The following NKD1 variants were observed in gnomAD, a reference collection of about 807,000 sequenced individuals.
The protein encoded by NKD1 is NKD inhibitor of Wnt signaling pathway 1.
NKD1 carries 21 observed loss-of-function variants against 56.0 expected under a neutral mutation model. That is an observed-to-expected ratio of 0.38 (90% CI 0.27 to 0.54). The LOEUF is 0.54. Ranked by LOEUF, NKD1 falls within the 20% of genes least tolerant of loss-of-function variation. NKD1 has a pLI of 0.82. For missense variants in NKD1, 578 were observed against 642.7 expected (o/e 0.90, Z 1.09); for synonymous variants, 263 against 265.7 (o/e 0.99, Z 0.10).
chr16:50,549,332 G>T, intron 2 of NKD1, 90 bp from the exon 3 acceptor site: 3 of 1,496,904 alleles, frequency 2.0e-6, no homozygotes, highest in South Asian at 1.3e-5. Context: ...GTGGTCCTTC[G>T]CCTCCCACCG....
chr16:50,562,250 C>G, intron 3 of NKD1: 1 of 966,514 alleles, frequency 1.0e-6, no homozygotes, highest in Non-Finnish European at 1.2e-6. Flanking sequence ...GCAAAACATT[C>G]ATAGGCCATG....
intron 3 of NKD1, 96 bp downstream of exon 3, chr16:50,549,651 C>T (rs1384814196): frequency 2.5e-6 from 3 of 1,208,498 alleles, no homozygotes; most frequent in South Asian, 1.6e-5. Flanking sequence ...CACTTTCCTG[C>T]ACAGCTTCTG....
chr16:50,596,691 C>T (rs1038980793), intron 3 of NKD1, among the ~76,000 whole-genome samples: 2 of 152,250 alleles, frequency 1.3e-5, no homozygotes, highest in Non-Finnish European at 2.9e-5. Context: ...GGTCGAGTGC[C>T]TCCGCCGTCA....
In NKD1 at chr16:50,598,553, A is replaced by G. The variant is rs977832868; in HGVS notation, c.193-9741A>G. Among the ~76,000 whole-genome samples the G allele has an allele frequency of 5.3e-5, 8 of 152,160 alleles. 1 individual carries two copies. The highest frequency in any genetic ancestry group is 1.3e-4 in the Admixed American group (2 of 15,282). ...CTGCCTGTCATAAGCAGCCTGGCTC[A>G]GGGCCACCCTGTCGGCAGGTCACAC... On this transcript the variant is annotated intron_variant, in intron 3 of 9. Transcript: ENST00000268459. This position sits in a 1 kb window ranked among gnomAD's most constrained non-coding sequence, Gnocchi z 4.2.
At chr16:50,580,097 C>G (rs991856591) in intron 3 of NKD1, among the ~76,000 whole-genome samples, 1 of 152,158 alleles carries the variant, frequency 6.6e-6, no homozygotes, top group African/African-American at 2.4e-5. Flanking sequence ...ACCCACTAAG[C>G]ATGCACCCCA....
chr16:50,629,015 G>A (rs190784300), intron 6 of NKD1, among the ~76,000 whole-genome samples: 6 of 151,626 alleles, frequency 4.0e-5, no homozygotes, highest in African/African-American at 1.5e-4. Flanking sequence ...GCCCAGGCTG[G>A]AGTGCAGTGG....
At chr16:50,588,598 C>CTTTTTTTTTTTTTTTTTTTTTTTTTTT (rs574622414) in intron 3 of NKD1, among the ~76,000 whole-genome samples, 1 of 94,652 alleles carries the variant, frequency 1.1e-5, no homozygotes, top group Admixed American at 1.2e-4. Flanking sequence ...TTTTCTTCTG[C>CTTTTTTTTTTTTTTTTTTTTTTTTTTT]TTTTTTTTTT....
chr16:50,623,969 T>C lies in NKD1; in HGVS notation c.367-1516T>C, dbSNP rs1962152967. ...TCAAACGGGTGTGGCTGAAGCAAGGTTGGCTTTGAACTCAGCGTGGGCGCC... is the reference window on the plus strand; with the variant it reads ...TCAAACGGGTGTGGCTGAAGCAAGGCTGGCTTTGAACTCAGCGTGGGCGCC... On this transcript the variant is annotated intron_variant, in intron 5 of 9. Coordinates refer to ENST00000268459, the MANE Select transcript of NKD1 (RefSeq NM_033119.5). This position sits in a 1 kb window ranked among gnomAD's most constrained non-coding sequence, Gnocchi z 4.1. 6.6e-6 allele frequency among the ~76,000 whole-genome samples: 1 copy of C among 151,966 alleles called. No homozygotes were observed. The highest frequency in any genetic ancestry group is 2.4e-5 in the African/African-American group (1 of 41,362).
intron 3 of NKD1, among the ~76,000 whole-genome samples, chr16:50,583,330 A>T (rs1440727030): frequency 6.6e-6 from 1 of 152,162 alleles, no homozygotes; most frequent in African/African-American, 2.4e-5. Flanking sequence ...TCACGTGGAG[A>T]GTGAGGCTCT....
chr16:50,605,798 A>G (rs16948647), intron 3 of NKD1, among the ~76,000 whole-genome samples: 2,925 of 152,330 alleles, frequency 0.019, 34 homozygotes, highest in East Asian at 0.046. Context: ...GAATGACTAT[A>G]AAGTGCCTAG....
intron 4 of NKD1, among the ~76,000 whole-genome samples, chr16:50,621,290 C>G (rs966642278): frequency 6.6e-6 from 1 of 152,192 alleles, no homozygotes; most frequent in African/African-American, 2.4e-5. Flanking sequence ...CCACTCTCAT[C>G]CATCTGCCCT....
rs531166056 is a variant in NKD1, at chr16:50,572,134, T to C, written c.192+22579T>C. On this transcript the variant is annotated intron_variant, in intron 3 of 9. Transcript: ENST00000268459. ...GAGCAGCTTTCACTGTGGTTCCTTC[T>C]CCTAACATCCTGTTCCTTCTGCCTC... Among the ~76,000 whole-genome samples the C allele has an allele frequency of 3.3e-5, 5 of 152,312 alleles. No homozygotes were observed. The East Asian group carries it at 9.7e-4, about 29-fold the overall frequency.
intron 5 of NKD1, among the ~76,000 whole-genome samples, chr16:50,622,772 C>T (rs1962121664): frequency 6.6e-6 from 1 of 152,014 alleles, no homozygotes; most frequent in African/African-American, 2.4e-5. Flanking sequence ...GGCTAATTGC[C>T]AGGGTACCCA....
At chr16:50,589,979 C>G (rs1248726442) in intron 3 of NKD1, among the ~76,000 whole-genome samples, 1 of 152,054 alleles carries the variant, frequency 6.6e-6, no homozygotes, top group East Asian at 1.9e-4. Context: ...TCCTGAGTAG[C>G]TGGGACTACA....
chr16:50,573,452 C>T, intron 3 of NKD1, among the ~76,000 whole-genome samples: 1 of 152,224 alleles, frequency 6.6e-6, no homozygotes, highest in East Asian at 1.9e-4. Flanking sequence ...CTTGACCTGC[C>T]CTGCAGTGTG....
At chr16:50,567,185 C>T (rs984289696) in intron 3 of NKD1, among the ~76,000 whole-genome samples, 11 of 152,258 alleles carry the variant, frequency 7.2e-5, no homozygotes, top group South Asian at 2.1e-4. Context: ...GAATGCCCAC[C>T]GTTTGGAGTT....
chr16:50,548,920 C>A, intron 2 of NKD1, 171 bp downstream of exon 2: 2 of 913,650 alleles, frequency 2.2e-6, no homozygotes, highest in Non-Finnish European at 2.6e-6. Context: ...CCTCCTCTGT[C>A]CCTCCTACCC....
At chr16:50,580,398 G>A (rs1234601458) in intron 3 of NKD1, among the ~76,000 whole-genome samples, 2 of 152,238 alleles carry the variant, frequency 1.3e-5, no homozygotes, top group South Asian at 2.1e-4. Context: ...TCTTTGGGAG[G>A]CCCTCAATGC....
In NKD1 at chr16:50,634,088, T is replaced by G; in HGVS notation, c.*307T>G. On this transcript the variant is annotated 3_prime_UTR_variant, in exon 10 of 10. Coordinates refer to ENST00000268459, the MANE Select transcript of NKD1 (RefSeq NM_033119.5). The stretch of plus-strand genomic sequence containing the variant: ...CATCTATGTGGATCAGCCCACACCC[T>G]TCCCAGAGCCAGGGAGCCCTTAGCC... 4.3e-5 allele frequency: 10 copies of G among 234,678 alleles called. No homozygotes were observed. Among genetic ancestry groups the G allele is most frequent in the Non-Finnish European group, 5.7e-5 (7 of 122,704 alleles). The allele number at this position is 234,678 out of a possible 1,614,324, so 14.5% of individuals were successfully genotyped here.
Sources: gnomAD v4.1 joint callset for allele counts (sites outside exome capture counted in the v4.1 genomes callset) on GRCh38, gnomAD v4.1.1 for gene constraint, Gnocchi (gnomAD v3.1) non-coding constraint, MANE v1.5 for transcripts, NCBI Gene and HGNC (gene_info 2026-07-23, HGNC 2026-07-21) for gene names.